GPR158: variants seen among roughly 807,000 people sequenced by gnomAD.
The protein encoded by GPR158 is G protein-coupled receptor 158, also known as metabotropic glycine receptor.
Under a neutral mutation model 78.2 loss-of-function variants are expected in GPR158, and 30 were observed. That is an observed-to-expected ratio of 0.38 (90% CI 0.29 to 0.52). GPR158 has a LOEUF of 0.52. Among genes scored for constraint, GPR158 ranks in the 20% least tolerant of loss-of-function variants. GPR158 has a pLI of 0.83. For missense variants in GPR158, 1,463 were observed against 1,523.5 expected, an observed-to-expected ratio of 0.96 and a Z score of 0.66; for synonymous variants, 581 against 591.1, an observed-to-expected ratio of 0.98 and a Z score of 0.25.
chr10:25,256,082 C>G (rs1853884965), intron 2 of GPR158, among the ~76,000 whole-genome samples: 1 of 151,828 alleles, frequency 6.6e-6, no homozygotes, highest in South Asian at 2.1e-4. Context: ...GACTAAAGAC[C>G]TTATGGGTCC....
intron 3 of GPR158, among the ~76,000 whole-genome samples, chr10:25,396,712 C>T (rs148713718): frequency 1.3e-5 from 2 of 152,192 alleles, no homozygotes; most frequent in Admixed American, 1.3e-4. Context: ...TATCTGACCT[C>T]TATAAACAAT....
chr10:25,431,565 T>C (rs1341822323), intron 4 of GPR158, among the ~76,000 whole-genome samples: 1 of 134,016 alleles, frequency 7.5e-6, no homozygotes, highest in African/African-American at 2.8e-5. Context: ...CACACGTATG[T>C]TTATTGTGGC....
intron 3 of GPR158, among the ~76,000 whole-genome samples, chr10:25,406,953 G>A (rs1371115860): frequency 2.6e-5 from 4 of 152,144 alleles, no homozygotes; most frequent in African/African-American, 9.6e-5. Context: ...TAAGGAATAA[G>A]ACTAATCTAT....
intron 4 of GPR158, among the ~76,000 whole-genome samples, chr10:25,436,104 A>T (rs1834993696): frequency 6.6e-6 from 1 of 152,240 alleles, no homozygotes; most frequent in African/African-American, 2.4e-5. Flanking sequence ...CTAGATTTAA[A>T]AACTCAGCAA....
intron 1 of GPR158, among the ~76,000 whole-genome samples, chr10:25,215,652 T>C (rs1027633737): frequency 1.3e-5 from 2 of 151,986 alleles, no homozygotes; most frequent in African/African-American, 2.4e-5. Context: ...CTGGCCAACA[T>C]AGTGAAACCC....
At chr10:25,353,545 G>A (rs1242920861) in intron 2 of GPR158, among the ~76,000 whole-genome samples, 1 of 151,892 alleles carries the variant, frequency 6.6e-6, no homozygotes, top group African/African-American at 2.4e-5. Context: ...AGCTCTGAAC[G>A]TCTACCTCTT....
At chr10:25,325,336 T>G (rs1855014846) in intron 2 of GPR158, among the ~76,000 whole-genome samples, 1 of 152,244 alleles carries the variant, frequency 6.6e-6, no homozygotes, top group Admixed American at 6.5e-5. Flanking sequence ...CTTAGCATAA[T>G]GTCCTCCAGG....
At chr10:25,241,198 C>CCTTTCTTTCCT (rs1853609561) in intron 2 of GPR158, among the ~76,000 whole-genome samples, 1 of 107,090 alleles carries the variant, frequency 9.3e-6, no homozygotes, top group African/African-American at 3.7e-5. Flanking sequence ...TCCTTTCTTT[C>CCTTTCTTTCCT]TTTCCTTTCT....
chr10:25,225,531 T>C (rs1853361734), intron 2 of GPR158, among the ~76,000 whole-genome samples: 1 of 152,166 alleles, frequency 6.6e-6, no homozygotes, highest in African/African-American at 2.4e-5. Flanking sequence ...AGTGAGGGCA[T>C]TAACATTAAT....
intron 2 of GPR158, among the ~76,000 whole-genome samples, chr10:25,377,583 G>A (rs1172058101): frequency 6.6e-6 from 1 of 151,942 alleles, no homozygotes; most frequent in African/African-American, 2.4e-5. Flanking sequence ...TTTCTGTCTT[G>A]ATGGATTTGC....
intron 2 of GPR158, among the ~76,000 whole-genome samples, chr10:25,367,121 T>G (rs1855735719): frequency 6.6e-6 from 1 of 151,716 alleles, no homozygotes; most frequent in African/African-American, 2.4e-5. Flanking sequence ...GAAACTTAAT[T>G]GCTTTCTACT....
At chr10:25,292,574 AAC>A (rs910165548) in intron 2 of GPR158, among the ~76,000 whole-genome samples, 6 of 152,240 alleles carry the variant, frequency 3.9e-5, no homozygotes, top group Admixed American at 2.6e-4. Flanking sequence ...TGAGGGAGTA[AAC>A]AGTTGGAGAA....
In GPR158 at chr10:25,395,924, A is replaced by G; in HGVS notation, c.1022A>G (p.Lys341Arg). The G allele has an allele frequency of 6.3e-7, 1 of 1,582,210 alleles. No homozygotes were observed. The highest frequency in any genetic ancestry group is 8.7e-7 in the Non-Finnish European group (1 of 1,151,122). Reference sequence around the variant, plus strand: ...TCTTCTTCATAGTGTATGCCAATTAAAGGCCTAGGATTCGTTCTTGGAGCC... The same window carrying G: ...TCTTCTTCATAGTGTATGCCAATTAGAGGCCTAGGATTCGTTCTTGGAGCC... ...HLNNSECMPI[K>R]GLGFVLGAYE... The change falls in exon 3 of 11, where the codon AAA (lysine) becomes AGA (arginine). Residue 341 changes from lysine (K) to arginine (R), a missense_variant. By Grantham distance (26) the Lys-to-Arg change is conservative. Coordinates refer to ENST00000376351, the MANE Select transcript of GPR158 (RefSeq NM_020752.3).
intron 4 of GPR158, among the ~76,000 whole-genome samples, chr10:25,442,579 TC>T (rs1835082968): frequency 6.6e-6 from 1 of 151,972 alleles, no homozygotes; most frequent in South Asian, 2.1e-4. Flanking sequence ...TATTAATACG[TC>T]AGTATGTTTA....
At chr10:25,504,359 C>G (rs538587316) in intron 5 of GPR158, among the ~76,000 whole-genome samples, 2 of 152,304 alleles carry the variant, frequency 1.3e-5, no homozygotes, top group African/African-American at 4.8e-5. Flanking sequence ...TTGAGCCCCC[C>G]ATTCCTTAAC....
Position 25,377,666 on chromosome 10 carries a change from G to C in GPR158, c.1009-18245G>C, listed in dbSNP as rs563476988. On this transcript the variant is annotated intron_variant, in intron 2 of 10. Transcript: ENST00000376351. ...TTGTGACTGACTGCTTTCACCTAGCGTACTTTTTTGAGATTTATTTATGTT... is the reference window on the plus strand; with the variant it reads ...TTGTGACTGACTGCTTTCACCTAGCCTACTTTTTTGAGATTTATTTATGTT... Among the ~76,000 whole-genome samples, 15 of 151,838 alleles carry C rather than the reference G, an allele frequency of 9.9e-5. No individual in the cohort carries two copies. The East Asian group carries it at 2.9e-3, about 29-fold the overall frequency.
chr10:25,478,222 T>G (rs1835615321), intron 5 of GPR158, among the ~76,000 whole-genome samples: 1 of 152,182 alleles, frequency 6.6e-6, no homozygotes, highest in South Asian at 2.1e-4. Context: ...AGAGTTGGAA[T>G]CTTGGCTTTA....
chr10:25,589,226 G>A, intron 8 of GPR158, 81 bp downstream of exon 8: 2 of 950,742 alleles, frequency 2.1e-6, no homozygotes, highest in South Asian at 2.5e-5. Context: ...TAGATAAGAT[G>A]CATAATAGAA....
intron 2 of GPR158, among the ~76,000 whole-genome samples, chr10:25,338,744 C>A (rs751612679): frequency 1.6e-4 from 24 of 150,260 alleles, no homozygotes; most frequent in Admixed American, 1.2e-3. Context: ...TTGTATTATT[C>A]TTTGAACTTT....
Sources: gnomAD v4.1 joint callset for allele counts (sites outside exome capture counted in the v4.1 genomes callset) on GRCh38, gnomAD v4.1.1 for gene constraint, MANE v1.5 for transcripts, NCBI Gene and HGNC (gene_info 2026-07-23, HGNC 2026-07-21) for gene names.